The following UGT1A4 variants were observed in gnomAD, a reference collection of about 807,000 sequenced individuals.
UGT1A4 encodes UDP glucuronosyltransferase family 1 member A4.
UGT1A4 carries 32 observed loss-of-function variants against 41.1 expected under a neutral mutation model. The observed-to-expected ratio is 0.78, with a 90% confidence interval of 0.59 to 1.05. The LOEUF is 1.05. Ranked by LOEUF, UGT1A4 falls within the 50% of genes least tolerant of loss-of-function variation. The pLI is 0.00. For synonymous variants in UGT1A4, 283 were observed against 265.1 expected, an observed-to-expected ratio of 1.07 and a Z score of -0.66; for missense variants, 748 against 677.4, an observed-to-expected ratio of 1.10 and a Z score of -1.16.
intron 1 of UGT1A4, among the ~76,000 whole-genome samples, chr2:233,727,281 G>A (rs1431266686): frequency 6.6e-6 from 1 of 152,122 alleles, no homozygotes; most frequent in Non-Finnish European, 1.5e-5. Flanking sequence ...CCAGACCCTG[G>A]AAGCTGATGA....
In UGT1A4 at chr2:233,759,969, C is replaced by T. The variant is rs922270020; in HGVS notation, c.868-7065C>T. Among the ~76,000 whole-genome samples the T allele has an allele frequency of 3.3e-5, 5 of 152,292 alleles. No homozygotes were observed. The East Asian group carries it at 9.6e-4, about 29-fold the overall frequency. On this transcript the variant is annotated intron_variant, in intron 1 of 4. Transcript: ENST00000373409. ...GTTCACTACATAGTCGTCCTTCTTC[C>T]TCTCTGGTAACACTTGTTGGTCTGT...
In UGT1A4 at chr2:233,719,345, C is replaced by A; in HGVS notation, c.525C>A (p.Tyr175Ter). The A allele has an allele frequency of 6.2e-7, 1 of 1,613,904 alleles. No homozygotes were observed. Among genetic ancestry groups the A allele is most frequent in the Non-Finnish European group, 8.5e-7 (1 of 1,179,850 alleles). The change falls in exon 1 of 5, where the codon TAC (tyrosine) becomes TAA (stop). Residue 175 changes from tyrosine (Y) to a stop codon, truncating the protein, a stop_gained. Transcript: ENST00000373409. LOFTEE classifies it high-confidence loss of function. ...TTCCTGCTGTGTTTTTTTGGAGGTACATTCCATGTGACTTAGACTTTAAGG... is the reference window on the plus strand; with the variant it reads ...TTCCTGCTGTGTTTTTTTGGAGGTAAATTCCATGTGACTTAGACTTTAAGG... Reference protein sequence around the residue: ...LSIPAVFFWRYIPCDLDFKGT... With the variant: ...LSIPAVFFWR
chr2:233,727,709 GC>G (rs369344030), intron 1 of UGT1A4, among the ~76,000 whole-genome samples: 1 of 152,290 alleles, frequency 6.6e-6, no homozygotes, highest in African/African-American at 2.4e-5. Context: ...AGTTCCCAAA[GC>G]CCTTGCAGAC....
rs766438569 is a variant in UGT1A4, at chr2:233,729,630, T to G, written c.867+9943T>G. 4 of 1,613,982 alleles carry G rather than the reference T, an allele frequency of 2.5e-6. No homozygotes were observed. The South Asian group carries it at 4.4e-5, about 18-fold the overall frequency. ...TGCTGGCTAAGTACCTGTCGATTCCTACTGTGTTTTTTTTGAGGAACATTC... is the reference window on the plus strand; with the variant it reads ...TGCTGGCTAAGTACCTGTCGATTCCGACTGTGTTTTTTTTGAGGAACATTC... On this transcript the variant is annotated intron_variant, in intron 1 of 4. Transcript: ENST00000373409.
chr2:233,747,095 T>C, intron 1 of UGT1A4: 1 of 1,292,004 alleles, frequency 7.7e-7, no homozygotes, highest in South Asian at 1.4e-5. Context: ...GAGCACTCTA[T>C]CTTCCAATTA....
intron 1 of UGT1A4, chr2:233,754,805 A>G (rs755961500): frequency 2.3e-6 from 3 of 1,294,912 alleles, no homozygotes; most frequent in South Asian, 2.4e-5. Context: ...TATCAAAAGA[A>G]GAAAAACCAC....
At chr2:233,735,445 G>C (rs1440470115) in intron 1 of UGT1A4, among the ~76,000 whole-genome samples, 1 of 152,036 alleles carries the variant, frequency 6.6e-6, no homozygotes, top group Non-Finnish European at 1.5e-5. Flanking sequence ...GCATACCGAT[G>C]GGCCTTGACT....
chr2:233,748,199 G>T (rs1164871167), intron 1 of UGT1A4: 1 of 1,533,212 alleles, frequency 6.5e-7, no homozygotes. Context: ...TCTGCTTGTC[G>T]TAATAGCCTT....
At chr2:233,768,049 C>A in intron 3 of UGT1A4, 113 bp downstream of exon 3, 1 of 1,606,778 alleles carries the variant, frequency 6.2e-7, no homozygotes, top group Non-Finnish European at 8.5e-7. Flanking sequence ...GCCAACATAT[C>A]CTACATTGCT....
At chr2:233,766,654 A>G (rs1414675173) in intron 1 of UGT1A4, among the ~76,000 whole-genome samples, 3 of 152,054 alleles carry the variant, frequency 2.0e-5, no homozygotes, top group Non-Finnish European at 4.4e-5. Flanking sequence ...ATTTAAAGGG[A>G]CCACGCCCTT....
intron 1 of UGT1A4, chr2:233,761,153 T>C (rs772088902): frequency 6.2e-7 from 1 of 1,614,188 alleles, no homozygotes; most frequent in Non-Finnish European, 8.5e-7. Flanking sequence ...CTATCCCAGG[T>C]GTGTATTGGA....
chr2:233,760,873 C>G, intron 1 of UGT1A4: 1 of 1,614,194 alleles, frequency 6.2e-7, no homozygotes, highest in South Asian at 1.1e-5. Context: ...CGTGCCCAGG[C>G]CTCTCTCCTC....
At chr2:233,765,607 G>A (rs1299491644) in intron 1 of UGT1A4, among the ~76,000 whole-genome samples, 2 of 151,978 alleles carry the variant, frequency 1.3e-5, no homozygotes, top group African/African-American at 4.8e-5. Context: ...GGCTTGTGGC[G>A]GGGTGAGGGG....
At chr2:233,736,092 T>A (rs2078731726) in intron 1 of UGT1A4, among the ~76,000 whole-genome samples, 1 of 152,262 alleles carries the variant, frequency 6.6e-6, no homozygotes. Flanking sequence ...CTGGATAATA[T>A]CCTGAAGAGT....
rs2076711815 is a variant in UGT1A4 at position 233,718,993 on chromosome 2, C to CGGT, written c.177_179dup (p.Val60dup). On this transcript the variant is annotated inframe_insertion, in exon 1 of 5. Transcript: ENST00000373409. Reference sequence around the variant, plus strand: ...GAGCTCCATGCCAGAGGCCACCAGGCGGTGGTCCTCACCCCAGAGGTGAAT... The same window carrying CGGT: ...GAGCTCCATGCCAGAGGCCACCAGGCGGTGGTGGTCCTCACCCCAGAGGTGAAT... 6.2e-7 allele frequency: 1 copy of CGGT among 1,614,206 alleles called. No homozygotes were observed. Among genetic ancestry groups the CGGT allele is most frequent in the Non-Finnish European group, 8.5e-7 (1 of 1,180,046 alleles).
intron 1 of UGT1A4, among the ~76,000 whole-genome samples, chr2:233,747,024 C>T (rs773156337): frequency 2.0e-5 from 3 of 151,838 alleles, no homozygotes; most frequent in South Asian, 2.1e-4. Flanking sequence ...CGGTCTTTCC[C>T]GAAGTGGGAC....
At chr2:233,772,069 T>A (rs2126064958) in intron 4 of UGT1A4, among the ~76,000 whole-genome samples, 193 bp from the exon 5 acceptor site, 1 of 152,274 alleles carries the variant, frequency 6.6e-6, no homozygotes, top group East Asian at 1.9e-4. Context: ...GCCATGCTTG[T>A]GCCACTACAC....
intron 4 of UGT1A4, among the ~76,000 whole-genome samples, chr2:233,768,740 G>A (rs6431630): frequency 0.18 from 26,721 of 151,438 alleles, 3,378 homozygotes; most frequent in African/African-American, 0.35. Context: ...CCACCACCAC[G>A]CCCGGTTAAT....
intron 4 of UGT1A4, 141 bp from the exon 5 acceptor site, chr2:233,772,121 A>G (rs1700464969): frequency 3.3e-6 from 5 of 1,536,424 alleles, no homozygotes; most frequent in East Asian, 2.5e-5. Flanking sequence ...TCTAAAAACA[A>G]CAACAACAAC....
Sources: gnomAD v4.1 joint callset for allele counts (sites outside exome capture counted in the v4.1 genomes callset) on GRCh38, gnomAD v4.1.1 for gene constraint, MANE v1.5 for transcripts, NCBI Gene and HGNC (gene_info 2026-07-23, HGNC 2026-07-21) for gene names.